CYB5R3: variants seen among roughly 807,000 people sequenced by gnomAD.
CYB5R3 encodes the protein cytochrome b5 reductase 3.
CYB5R3 carries 28 observed loss-of-function variants against 36.5 expected under a neutral mutation model. The observed-to-expected ratio is 0.77, with a 90% CI of 0.57 to 1.05. CYB5R3 has a LOEUF of 1.05. CYB5R3 is among the 50% of genes least tolerant of loss of function. The pLI is 0.00. For synonymous variants in CYB5R3, 181 were observed against 159.8 expected (o/e 1.13, Z -1.00); for missense variants, 474 against 408.9 (o/e 1.16, Z -1.37).
chr22:42,642,847 C>G (rs1929351068), intron 1 of CYB5R3, among the ~76,000 whole-genome samples: 1 of 152,216 alleles, frequency 6.6e-6, no homozygotes, highest in African/African-American at 2.4e-5. Flanking sequence ...CTCAAGAAAG[C>G]TGTTTCAGAG....
In CYB5R3 at chr22:42,638,728, T is replaced by TAAAAAAAAAAAAAAAAAAAAAAA. The variant is rs67349863; in HGVS notation, c.22-1883_22-1882insTTTTTTTTTTTTTTTTTTTTTTT. 3.8e-4 allele frequency among the ~76,000 whole-genome samples: 18 copies of TAAAAAAAAAAAAAAAAAAAAAAA among 47,506 alleles called. 1 individual carries two copies. Among genetic ancestry groups the TAAAAAAAAAAAAAAAAAAAAAAA allele is most frequent in the East Asian group, 1.0e-3 (2 of 1,948 alleles). The allele number at this position is 47,506 out of a possible 152,430, so 31.2% of individuals were successfully genotyped here. A position where few individuals can be genotyped will look rare whatever the true frequency, so the allele number is the denominator to read the frequency against. ...GCCTGGGAGACAGAGCAAGACTCCA[T>TAAAAAAAAAAAAAAAAAAAAAAA]AAAAAAAAAAAAAAAAAAAAAAGGC... is the stretch of plus-strand genomic sequence containing the variant. On this transcript the variant is annotated intron_variant, in intron 1 of 8. Transcript: ENST00000352397.
intron 1 of CYB5R3, among the ~76,000 whole-genome samples, chr22:42,645,967 G>T (rs988459013): frequency 2.0e-5 from 3 of 152,188 alleles, no homozygotes; most frequent in Non-Finnish European, 2.9e-5. Context: ...GGCAGAGAGG[G>T]CGCACCACAG....
rs573829692 is a variant in CYB5R3, at chr22:42,629,404, G to C, written c.334-1123C>G. The stretch of plus-strand genomic sequence containing the variant: ...ATCTCACCTTCACTGTCACCTGCTA[G>C]GGAGCCACTCTCACCAGCCAACCCC... On this transcript the variant is annotated intron_variant, in intron 4 of 8. Transcript: ENST00000352397. Among the ~76,000 whole-genome samples the C allele has an allele frequency of 3.3e-5, 5 of 152,278 alleles. No homozygotes were observed. The South Asian group carries it at 8.3e-4, about 25-fold the overall frequency.
At chr22:42,636,081 T>C (rs949676075) in intron 2 of CYB5R3, among the ~76,000 whole-genome samples, 1 of 152,068 alleles carries the variant, frequency 6.6e-6, no homozygotes, top group Non-Finnish European at 1.5e-5. Context: ...CTGGGCGCGG[T>C]GGCTCACGCC....
intron 7 of CYB5R3, among the ~76,000 whole-genome samples, chr22:42,626,564 T>C (rs1170945397): frequency 6.6e-6 from 1 of 152,232 alleles, no homozygotes; most frequent in Admixed American, 6.5e-5. Context: ...TTAGAATTTC[T>C]GGCTCTTTCT....
chr22:42,639,999 G>A, intron 1 of CYB5R3: 1 of 1,612,624 alleles, frequency 6.2e-7, no homozygotes, highest in Admixed American at 1.7e-5. Context: ...GCTTGCCTGT[G>A]ATCTCTCTGA....
At chr22:42,642,093 T>C (rs563703489) in intron 1 of CYB5R3, among the ~76,000 whole-genome samples, 3 of 150,408 alleles carry the variant, frequency 2.0e-5, no homozygotes, top group Non-Finnish European at 2.9e-5. Context: ...TAGGTACATC[T>C]GGGTGAAGAG....
At chr22:42,636,587 T>C in intron 2 of CYB5R3, 128 bp downstream of exon 2, 1 of 1,449,412 alleles carries the variant, frequency 6.9e-7, no homozygotes, top group Non-Finnish European at 9.3e-7. Flanking sequence ...GACATCACCT[T>C]GCTTTCTCCA....
chr22:42,639,347 A>G (rs1234645573), intron 1 of CYB5R3, among the ~76,000 whole-genome samples: 8 of 128,458 alleles, frequency 6.2e-5, no homozygotes, highest in Middle Eastern at 5.3e-3. Context: ...GTGGGGGGGG[A>G]CCGGGCACGG....
At chr22:42,628,053 T>C in intron 5 of CYB5R3, 99 bp downstream of exon 5, 2 of 1,528,802 alleles carry the variant, frequency 1.3e-6, no homozygotes, top group Non-Finnish European at 1.8e-6. Flanking sequence ...GAGTCACCCA[T>C]CCACACAGAG....
intron 3 of CYB5R3, 150 bp from the exon 4 acceptor site, chr22:42,631,138 T>C: frequency 2.5e-6 from 2 of 801,556 alleles, no homozygotes; most frequent in Non-Finnish European, 2.1e-6. Context: ...TCCCGGGGAT[T>C]CCCCTCACGT....
intron 1 of CYB5R3, chr22:42,639,714 C>A: frequency 2.3e-6 from 1 of 443,194 alleles, no homozygotes; most frequent in Non-Finnish European, 4.1e-6. Context: ...TGTGGTTACG[C>A]AAAGGAATGT....
At position 42,630,497 on chromosome 22, in the gene CYB5R3, G is replaced by A. The variant is rs896687416; in HGVS notation, c.333+385C>T. On this transcript the variant is annotated intron_variant, in intron 4 of 8. Transcript: ENST00000352397. ...CGCCGTCACACCTCGCAGCAGGGGC[G>A]TCTGTACCGCCAGCCGGCCTTCCTG... is the stretch of plus-strand genomic sequence containing the variant. 5.9e-5 allele frequency among the ~76,000 whole-genome samples: 9 copies of A among 152,230 alleles called. No individual in the cohort carries two copies. The South Asian group carries it at 8.3e-4, about 14-fold the overall frequency.
chr22:42,636,190 C>A (rs1928880310), intron 2 of CYB5R3, among the ~76,000 whole-genome samples: 1 of 151,978 alleles, frequency 6.6e-6, no homozygotes, highest in South Asian at 2.1e-4. Flanking sequence ...GCACTCCAGC[C>A]TGGGACACAG....
At chr22:42,631,326 TGCCCCAGCAGCCTGCCGGGCTCCGAATG>T (rs1816215966) in intron 3 of CYB5R3, 24 bp downstream of exon 3, 2 of 1,490,592 alleles carry the variant, frequency 1.3e-6, no homozygotes, top group South Asian at 1.2e-5. Context: ...TCTGATCTAG[TGCCCCAGCAGCCTGCCGGGCTCCGAATG>T]GGCCCAGCAG....
In CYB5R3 at chr22:42,627,625, C is replaced by A. The variant is rs377689936; in HGVS notation, c.527G>T (p.Gly176Val). The change falls in exon 6 of 9, where the codon GGC becomes GTC. Residue 176 changes from glycine to valine, a missense_variant. Coordinates refer to ENST00000352397, the MANE Select transcript of CYB5R3 (RefSeq NM_000398.7). ...NPIIRTVKSV[G>V]MIAGGTGITP... Reference sequence around the variant, plus strand: ...TGTACCTGTCCCTCCCGCGATCATGCCCACAGACTTCACTGTCCTGATGAT... The same window carrying A: ...TGTACCTGTCCCTCCCGCGATCATGACCACAGACTTCACTGTCCTGATGAT... The A allele has an allele frequency of 2.5e-6, 4 of 1,614,018 alleles. No homozygotes were observed. Among genetic ancestry groups the A allele is most frequent in the Non-Finnish European group, 3.4e-6 (4 of 1,179,980 alleles).
At chr22:42,639,851 T>G in intron 1 of CYB5R3, 1 of 1,257,528 alleles carries the variant, frequency 8.0e-7, no homozygotes, top group South Asian at 1.6e-5. Flanking sequence ...CACTTTTTTT[T>G]TTTTTTGGAA....
chr22:42,648,899 TCACA>T (rs1194009623), intron 1 of CYB5R3, among the ~76,000 whole-genome samples: 4 of 150,864 alleles, frequency 2.7e-5, no homozygotes, highest in African/African-American at 4.9e-5. Context: ...ACGGTCACAC[TCACA>T]CACACATTCA....
At chr22:42,623,978 C>A (rs1021858721) in intron 7 of CYB5R3, 90 bp from the exon 8 acceptor site, 1 of 1,134,826 alleles carries the variant, frequency 8.8e-7, no homozygotes, top group South Asian at 1.3e-5. Context: ...TCATCGCGCC[C>A]GCCTGCGGGC....
Sources: gnomAD v4.1 joint callset for allele counts (sites outside exome capture counted in the v4.1 genomes callset) on GRCh38, gnomAD v4.1.1 for gene constraint, MANE v1.5 for transcripts, NCBI Gene and HGNC (gene_info 2026-07-23, HGNC 2026-07-21) for gene names.